RNF150: variants seen among roughly 807,000 people sequenced by gnomAD.
RNF150 encodes the protein ring finger protein 150.
In RNF150, 24 loss-of-function variants were observed where a neutral mutation model predicts 39.3. That is an observed-to-expected ratio of 0.61 (90% CI 0.44 to 0.86). RNF150 has a LOEUF of 0.86. Ranked by LOEUF, RNF150 falls within the 40% of genes least tolerant of loss-of-function variation. The pLI is 0.00. For synonymous variants in RNF150, 255 were observed against 227.3 expected, an observed-to-expected ratio of 1.12 and a Z score of -1.10; for missense variants, 502 against 587.8, an observed-to-expected ratio of 0.85 and a Z score of 1.51.
intron 1 of RNF150, among the ~76,000 whole-genome samples, chr4:141,104,827 T>C (rs1303680273): frequency 6.6e-6 from 1 of 152,200 alleles, no homozygotes; most frequent in Admixed American, 6.5e-5. Context: ...GATGTATAAG[T>C]TGAAATCATT....
intron 1 of RNF150, among the ~76,000 whole-genome samples, chr4:140,978,601 T>C (rs1285140019): frequency 1.3e-5 from 2 of 152,150 alleles, no homozygotes; most frequent in African/African-American, 2.4e-5. Flanking sequence ...TATTACATTA[T>C]TGAGTGATGA....
At chr4:141,129,796 A>C (rs1726844666) in intron 1 of RNF150, among the ~76,000 whole-genome samples, 1 of 152,238 alleles carries the variant, frequency 6.6e-6, no homozygotes, top group African/African-American at 2.4e-5. Flanking sequence ...GAAAAGGACA[A>C]AACAATTTCT....
At position 141,129,480 on chromosome 4, in the gene RNF150, T is replaced by C. The variant is rs552510157; in HGVS notation, c.484+2845A>G. ...GAGTTGGGGAATAATGGGGAGTGAC[T>C]AGGAGTTGGGGAATATTGGGGAAGT... On this transcript the variant is annotated intron_variant, in intron 1 of 6. Coordinates refer to ENST00000515673, the MANE Select transcript of RNF150 (RefSeq NM_020724.2). Among the ~76,000 whole-genome samples, 294 of 152,190 alleles carry C rather than the reference T, an allele frequency of 1.9e-3. 2 individuals are homozygous for C. The highest frequency in any genetic ancestry group is 6.1e-3 in the African/African-American group (252 of 41,540).
intron 1 of RNF150, among the ~76,000 whole-genome samples, chr4:140,979,561 A>G (rs1183478661): frequency 1.3e-5 from 2 of 151,964 alleles, no homozygotes; most frequent in African/African-American, 2.4e-5. Flanking sequence ...CATCATCAAC[A>G]TTTATCAAAT....
At position 140,866,966 on chromosome 4, in the gene RNF150, G is replaced by A. The variant is rs1006512710; in HGVS notation, c.*1295C>T. 1.3e-5 allele frequency: 2 copies of A among 152,308 alleles called. No individual in the cohort carries two copies. The highest frequency in any genetic ancestry group is 1.5e-5 in the Non-Finnish European group (1 of 68,016). 9.4% of individuals were successfully genotyped at this position (152,308 alleles called of 1,614,324 possible). A position where few individuals can be genotyped will look rare whatever the true frequency, so the allele number is the denominator to read the frequency against. ...CACCATTGGGTTTCAGTATTTACTT[G>A]ATACCTCTTTTCCTTTCCCTCTTAC... On this transcript the variant is annotated 3_prime_UTR_variant, in exon 7 of 7. Coordinates refer to ENST00000515673, the MANE Select transcript of RNF150 (RefSeq NM_020724.2).
chr4:141,042,966 C>T (rs545329267), intron 1 of RNF150, among the ~76,000 whole-genome samples: 1 of 152,092 alleles, frequency 6.6e-6, no homozygotes, highest in East Asian at 1.9e-4. Flanking sequence ...ACTTTTACAC[C>T]AACCTAATAC....
Position 140,860,951 on chromosome 4 carries a change from T to A in RNF150, c.*7310A>T, listed in dbSNP as rs1035969901. ...CATTTTAAAGAACAATACCCATTTT[T>A]TTTTCCAGAAAATGGATGGAATGTA... On this transcript the variant is annotated 3_prime_UTR_variant, in exon 7 of 7. Transcript: ENST00000515673. 6.6e-6 allele frequency: 1 copy of A among 152,078 alleles called. No individual in the cohort carries two copies. The highest frequency in any genetic ancestry group is 6.6e-5 in the Admixed American group (1 of 15,262). The allele number at this position is 152,078 out of a possible 1,614,324, so 9.4% of individuals were successfully genotyped here.
rs80295763 is a variant in RNF150 at position 141,013,521 on chromosome 4, T to C, written c.485-45648A>G. Among the ~76,000 whole-genome samples the C allele has an allele frequency of 3.2e-3, 488 of 152,218 alleles. 2 individuals carry two copies. Among genetic ancestry groups the C allele is most frequent in the African/African-American group, 0.011 (470 of 41,528 alleles). On this transcript the variant is annotated intron_variant, in intron 1 of 6. Transcript: ENST00000515673. ...TCACACCAAACTACATTCCAAAGAG[T>C]GGCTCTTCTAAGTCTTCTACGCTAT... is the stretch of plus-strand genomic sequence containing the variant.
chr4:140,987,756 A>T (rs929042540), intron 1 of RNF150, among the ~76,000 whole-genome samples: 5 of 152,152 alleles, frequency 3.3e-5, no homozygotes, highest in East Asian at 1.9e-4. Flanking sequence ...AAAATTGACA[A>T]GTGGGACATA....
intron 1 of RNF150, among the ~76,000 whole-genome samples, chr4:141,177,054 G>GAAAAAA (rs5862514): frequency 9.0e-6 from 1 of 111,700 alleles, no homozygotes; most frequent in Non-Finnish European, 1.8e-5. Flanking sequence ...TGTCTCCTAG[G>GAAAAAA]AAAAAAAAAA....
Position 141,027,912 on chromosome 4 carries a change from GTTTTT to G in RNF150, c.485-60044_485-60040del, listed in dbSNP as rs749317137. ...TAGATAGTTAATGAGCTTGGAATTT[GTTTTT>G]TTTTTTTTGTTTTTTTTTTTTTTTT... On this transcript the variant is annotated intron_variant, in intron 1 of 6. Coordinates refer to ENST00000515673, the MANE Select transcript of RNF150 (RefSeq NM_020724.2). Among the ~76,000 whole-genome samples, 56 of 27,100 alleles carry G rather than the reference GTTTTT, an allele frequency of 2.1e-3. 4 individuals are homozygous for G. Among genetic ancestry groups the G allele is most frequent in the Non-Finnish European group, 3.0e-3 (35 of 11,594 alleles). 17.8% of individuals were successfully genotyped at this position (27,100 alleles called of 152,430 possible). A position where few individuals can be genotyped will look rare whatever the true frequency, so the allele number is the denominator to read the frequency against.
At chr4:141,060,841 G>A (rs1737191255) in intron 1 of RNF150, among the ~76,000 whole-genome samples, 2 of 152,110 alleles carry the variant, frequency 1.3e-5, no homozygotes, top group Non-Finnish European at 2.9e-5. Context: ...CCTTTGCAGG[G>A]ACATGGATGA....
chr4:141,117,781 T>G (rs1726477348), intron 1 of RNF150, among the ~76,000 whole-genome samples: 1 of 152,072 alleles, frequency 6.6e-6, no homozygotes, highest in Admixed American at 6.6e-5. Flanking sequence ...GTGCCTAGAG[T>G]CTGTGTGTTC....
chr4:140,921,858 A>G (rs1249190676), intron 5 of RNF150, among the ~76,000 whole-genome samples: 2 of 152,182 alleles, frequency 1.3e-5, no homozygotes, highest in Non-Finnish European at 2.9e-5. Flanking sequence ...ACAGAACCAA[A>G]GACAAAAACC....
chr4:141,090,722 G>A (rs940736347), intron 1 of RNF150, among the ~76,000 whole-genome samples: 3 of 152,204 alleles, frequency 2.0e-5, no homozygotes, highest in Non-Finnish European at 4.4e-5. Context: ...CGTAACTGGT[G>A]AATGCCTGCC....
chr4:141,093,890 T>G (rs1384545807), intron 1 of RNF150, among the ~76,000 whole-genome samples: 1 of 152,042 alleles, frequency 6.6e-6, no homozygotes, highest in Non-Finnish European at 1.5e-5. Flanking sequence ...TTTAAGTGAA[T>G]GAAAGAAGAG....
chr4:141,171,846 G>T (rs1032671185), intron 1 of RNF150, among the ~76,000 whole-genome samples: 1 of 152,142 alleles, frequency 6.6e-6, no homozygotes, highest in Non-Finnish European at 1.5e-5. Context: ...TCAGATTTCA[G>T]ATACATCCCA....
At chr4:141,106,803 T>A (rs954681762) in intron 1 of RNF150, among the ~76,000 whole-genome samples, 6 of 151,898 alleles carry the variant, frequency 4.0e-5, no homozygotes, top group Non-Finnish European at 7.4e-5. Flanking sequence ...TCAAAAAAAA[T>A]AATATATATA....
At chr4:141,210,608 G>A (rs1394738046) in intron 1 of RNF150, among the ~76,000 whole-genome samples, 1 of 151,860 alleles carries the variant, frequency 6.6e-6, no homozygotes, top group Non-Finnish European at 1.5e-5. Flanking sequence ...TATTGGAAGG[G>A]ATTTTTTAAA....
Sources: gnomAD v4.1 joint callset for allele counts (sites outside exome capture counted in the v4.1 genomes callset) on GRCh38, gnomAD v4.1.1 for gene constraint, MANE v1.5 for transcripts, NCBI Gene and HGNC (gene_info 2026-07-23, HGNC 2026-07-21) for gene names.